TMEM169: variants seen among roughly 807,000 people sequenced by gnomAD.
TMEM169 encodes the protein transmembrane protein 169.
A neutral mutation model predicts 27.3 loss-of-function variants in TMEM169; 18 were observed. The ratio of observed to expected loss-of-function variants is 0.66; its 90% CI spans 0.46 to 0.98. TMEM169 has a LOEUF of 0.98. Ranked by LOEUF, TMEM169 falls within the 50% of genes least tolerant of loss-of-function variation. The pLI is 0.00. For synonymous variants in TMEM169, 136 were observed against 142.1 expected (o/e 0.96, Z 0.30); for missense variants, 320 against 368.6 (o/e 0.87, Z 1.08).
intron 1 of TMEM169, among the ~76,000 whole-genome samples, chr2:216,089,268 G>A (rs1167040863): frequency 6.6e-6 from 1 of 152,136 alleles, no homozygotes; most frequent in Non-Finnish European, 1.5e-5. Context: ...GAATGGTGAA[G>A]TGGTCACTGT....
In TMEM169 at chr2:216,099,855, G is replaced by A. The variant is rs1052508617; in HGVS notation, c.272-65G>A. 16 of 1,554,970 alleles carry A rather than the reference G, an allele frequency of 1.0e-5. No individual in the cohort carries two copies. Among genetic ancestry groups the A allele is most frequent in the South Asian group, 3.8e-5 (3 of 79,202 alleles). The stretch of plus-strand genomic sequence containing the variant: ...TTGTCCTCATGCCCAGCCTGGGAGG[G>A]TGCAACATGGAGATGCAATGCCCAC... On this transcript the variant is annotated intron_variant, in intron 2 of 2. Transcript: ENST00000437356. This position sits in a 1 kb window ranked among gnomAD's most constrained non-coding sequence, Gnocchi z 5.0.
At chr2:216,088,972 G>A (rs1168642534) in intron 1 of TMEM169, among the ~76,000 whole-genome samples, 5 of 152,170 alleles carry the variant, frequency 3.3e-5, no homozygotes, top group African/African-American at 7.2e-5. Flanking sequence ...ACATTTGGGC[G>A]TTCTTGGCAT....
chr2:216,083,479 T>C (rs1695922193), intron 1 of TMEM169, among the ~76,000 whole-genome samples: 1 of 152,200 alleles, frequency 6.6e-6, no homozygotes, highest in African/African-American at 2.4e-5. Flanking sequence ...ATGATAACTT[T>C]ATTGAAGATA....
In TMEM169 at chr2:216,099,943, A is replaced by G. The variant is rs377120029; in HGVS notation, c.295A>G (p.Ser99Gly). 38 of 1,613,526 alleles carry G rather than the reference A, an allele frequency of 2.4e-5. No homozygotes were observed. Among genetic ancestry groups the G allele is most frequent in the Non-Finnish European group, 2.9e-5 (34 of 1,179,826 alleles). Residue 99 changes from serine to glycine, a missense_variant, in exon 3 of 3, where the codon AGC becomes GGC. Ser to Gly is a moderately conservative substitution (Grantham distance 56, BLOSUM62 0). Coordinates refer to ENST00000437356, the MANE Select transcript of TMEM169 (RefSeq NM_001142311.2). The surrounding 1 kb of genome is among the most constrained non-coding windows in gnomAD (Gnocchi z 5.0). ...AGATATGTGGAACCTGCCTCTGGACAGCCGCTACGTCACCTTAACTGGGAC... is the reference window on the plus strand; with the variant it reads ...AGATATGTGGAACCTGCCTCTGGACGGCCGCTACGTCACCTTAACTGGGAC... The part of the protein sequence containing the change: ...DDDMWNLPLD[S>G]RYVTLTGTIT...
intron 2 of TMEM169, among the ~76,000 whole-genome samples, 198 bp downstream of exon 2, chr2:216,096,432 T>C (rs1416224690): frequency 1.3e-5 from 2 of 152,238 alleles, no homozygotes; most frequent in Non-Finnish European, 2.9e-5. Flanking sequence ...TGGCATGATG[T>C]CGCCTCACTG....
intron 1 of TMEM169, among the ~76,000 whole-genome samples, chr2:216,086,116 G>C (rs1695990640): frequency 6.6e-6 from 1 of 151,854 alleles, no homozygotes; most frequent in East Asian, 1.9e-4. Flanking sequence ...CCCGGCTGGA[G>C]TGCGGTGGTG....
At chr2:216,084,031 C>T (rs1030546915) in intron 1 of TMEM169, among the ~76,000 whole-genome samples, 1 of 152,176 alleles carries the variant, frequency 6.6e-6, no homozygotes, top group Non-Finnish European at 1.5e-5. Flanking sequence ...AAATGCTGCT[C>T]TTCCCTGTGC....
chr2:216,093,455 T>C (rs1696186603), intron 1 of TMEM169, among the ~76,000 whole-genome samples: 1 of 152,102 alleles, frequency 6.6e-6, no homozygotes, highest in Non-Finnish European at 1.5e-5. Flanking sequence ...GGATAAGAAT[T>C]TAAAGATAAT....
At chr2:216,090,672 G>C (rs889665427) in intron 1 of TMEM169, among the ~76,000 whole-genome samples, 1 of 152,180 alleles carries the variant, frequency 6.6e-6, no homozygotes, top group Admixed American at 6.5e-5. Context: ...AAATTCTATA[G>C]GCAGGAAGCA....
At chr2:216,088,353 A>T (rs1010676164) in intron 1 of TMEM169, among the ~76,000 whole-genome samples, 2 of 152,164 alleles carry the variant, frequency 1.3e-5, no homozygotes, top group African/African-American at 4.8e-5. Context: ...AGTCCCAGCT[A>T]CTCAAGAGGC....
At position 216,081,970 on chromosome 2, in the gene TMEM169, G is replaced by A. The variant is rs1695868329; in HGVS notation, c.-136G>A. The A allele has an allele frequency of 7.2e-6, 4 of 554,726 alleles. No individual in the cohort carries two copies. Among genetic ancestry groups the A allele is most frequent in the Non-Finnish European group, 1.3e-5 (4 of 314,004 alleles). 34.4% of individuals were successfully genotyped at this position (554,726 alleles called of 1,614,324 possible). On this transcript the variant is annotated 5_prime_UTR_variant, in exon 1 of 3. Coordinates refer to ENST00000437356, the MANE Select transcript of TMEM169 (RefSeq NM_001142311.2). ...AACCTCCGCCAGCGTCGGTCCCTGG[G>A]CAGGTGTGGGTGAGACTGCTCGTTC...
At chr2:216,085,096 T>C (rs1695965639) in intron 1 of TMEM169, among the ~76,000 whole-genome samples, 2 of 152,150 alleles carry the variant, frequency 1.3e-5, no homozygotes, top group South Asian at 4.1e-4. Context: ...TTCAAACAAT[T>C]CTCCTGCCTC....
chr2:216,098,812 G>A (rs983738063), intron 2 of TMEM169, among the ~76,000 whole-genome samples: 14 of 151,108 alleles, frequency 9.3e-5, no homozygotes, highest in African/African-American at 3.4e-4. Context: ...GTGTGTGTGT[G>A]TAATGTGTGG....
Position 216,100,499 on chromosome 2 carries a change from C to G in TMEM169, c.851C>G (p.Ser284Cys), listed in dbSNP as rs754761398. The G allele has an allele frequency of 2.5e-6, 4 of 1,613,964 alleles. No homozygotes were observed. Among genetic ancestry groups the G allele is most frequent in the Non-Finnish European group, 3.4e-6 (4 of 1,180,024 alleles). ...TCCGACAATATCTCAAGCACTCTCT[C>G]CAACAAGGACCCCATCCAAGAAGTA... is the stretch of plus-strand genomic sequence containing the variant. ...LESDNISSTL[S>C]NKDPIQEVET... Residue 284 changes from serine to cysteine, a missense_variant, in exon 3 of 3, where the codon TCC becomes TGC. Coordinates refer to ENST00000437356, the MANE Select transcript of TMEM169 (RefSeq NM_001142311.2).
chr2:216,088,443 G>A (rs190268839), intron 1 of TMEM169, among the ~76,000 whole-genome samples: 59 of 152,350 alleles, frequency 3.9e-4, no homozygotes, highest in African/African-American at 1.3e-3. Flanking sequence ...CAGCTTGGGC[G>A]ACAGAGCGAG....
intron 1 of TMEM169, among the ~76,000 whole-genome samples, chr2:216,090,041 CTGTGTGTG>C (rs1175687214): frequency 6.6e-6 from 1 of 152,052 alleles, no homozygotes; most frequent in Non-Finnish European, 1.5e-5. Flanking sequence ...GTGTGTGTGT[CTGTGTGTG>C]TACAGAGGTT....
intron 1 of TMEM169, among the ~76,000 whole-genome samples, chr2:216,086,592 G>A (rs1696004220): frequency 6.6e-6 from 1 of 152,194 alleles, no homozygotes; most frequent in African/African-American, 2.4e-5. Flanking sequence ...CAAAAATGGG[G>A]AAGAGAATCA....
In TMEM169 at chr2:216,100,710, CA is replaced by C; in HGVS notation, c.*169del. 2.2e-6 allele frequency: 2 copies of C among 892,982 alleles called. No homozygotes were observed. The highest frequency in any genetic ancestry group is 3.3e-6 in the Non-Finnish European group (2 of 599,502). 55.3% of individuals were successfully genotyped at this position (892,982 alleles called of 1,614,324 possible). A position where few individuals can be genotyped will look rare whatever the true frequency, so the allele number is the denominator to read the frequency against. On this transcript the variant is annotated 3_prime_UTR_variant, in exon 3 of 3. Transcript: ENST00000437356. ...TTGAGGGTTCCAGGAGGGCATGGAG[CA>C]GACAAGCAATTGTGCCAAAGCAGTT...
At chr2:216,088,508 C>G (rs904408747) in intron 1 of TMEM169, among the ~76,000 whole-genome samples, 12 of 152,172 alleles carry the variant, frequency 7.9e-5, no homozygotes, top group Non-Finnish European at 1.5e-4. Flanking sequence ...CCTAGAACAA[C>G]TATGCAATAT....
Sources: gnomAD v4.1 joint callset for allele counts (sites outside exome capture counted in the v4.1 genomes callset) on GRCh38, gnomAD v4.1.1 for gene constraint, Gnocchi (gnomAD v3.1) non-coding constraint, MANE v1.5 for transcripts, NCBI Gene and HGNC (gene_info 2026-07-23, HGNC 2026-07-21) for gene names.